PLCL1: variants seen among roughly 807,000 people sequenced by gnomAD.
The protein encoded by PLCL1 is inactive phospholipase C-like protein 1.
In PLCL1, 41 loss-of-function variants were observed where a neutral mutation model predicts 84.4. The observed-to-expected ratio is 0.49, with a 90% confidence interval of 0.38 to 0.63. PLCL1 has a LOEUF of 0.63. Ranked by LOEUF, PLCL1 falls within the 30% of genes least tolerant of loss-of-function variation. The pLI is 0.00. For missense variants in PLCL1, 1,206 were observed against 1,367.8 expected, an observed-to-expected ratio of 0.88 and a Z score of 1.87; for synonymous variants, 490 against 488.3, an observed-to-expected ratio of 1.00 and a Z score of -0.05.
At chr2:197,843,635 G>A (rs1484341060) in intron 1 of PLCL1, among the ~76,000 whole-genome samples, 1 of 152,078 alleles carries the variant, frequency 6.6e-6, no homozygotes, top group African/African-American at 2.4e-5. Context: ...TGACTTAAAG[G>A]TCAAGATGGA....
At chr2:197,892,386 G>A (rs969471708) in intron 1 of PLCL1, among the ~76,000 whole-genome samples, 2 of 152,152 alleles carry the variant, frequency 1.3e-5, no homozygotes, top group African/African-American at 4.8e-5. Context: ...TAAATTGAAT[G>A]CCTGGTTTGG....
intron 1 of PLCL1, among the ~76,000 whole-genome samples, chr2:198,058,198 G>T (rs144582132): frequency 2.0e-5 from 3 of 152,162 alleles, no homozygotes; most frequent in African/African-American, 7.2e-5. Context: ...TGATACCTCT[G>T]CATTTTTGTG....
chr2:198,120,351 T>A lies in PLCL1; in HGVS notation c.3105+16415T>A, dbSNP rs577924117. On this transcript the variant is annotated intron_variant, in intron 5 of 5. Transcript: ENST00000428675. Reference sequence around the variant, plus strand: ...CCAATTATACTCTTTTAGTTATTTTTAAATATACAATTAAATTATTATTGA... The same window carrying A: ...CCAATTATACTCTTTTAGTTATTTTAAAATATACAATTAAATTATTATTGA... Among the ~76,000 whole-genome samples the A allele has an allele frequency of 1.1e-3, 165 of 152,138 alleles. 1 individual carries two copies. Among genetic ancestry groups the A allele is most frequent in the Middle Eastern group, 0.01 (3 of 294 alleles).
intron 1 of PLCL1, among the ~76,000 whole-genome samples, chr2:197,824,730 A>C (rs1208561566): frequency 1.3e-5 from 2 of 151,748 alleles, no homozygotes; most frequent in African/African-American, 2.4e-5. Context: ...AAAAAAAAAA[A>C]AAAAACATGT....
chr2:197,809,370 A>G (rs1213018626), intron 1 of PLCL1, among the ~76,000 whole-genome samples: 1 of 152,192 alleles, frequency 6.6e-6, no homozygotes, highest in African/African-American at 2.4e-5. Context: ...AAGTCCCACA[A>G]TCCATCAACA....
chr2:197,869,461 G>A (rs1180352573), intron 1 of PLCL1, among the ~76,000 whole-genome samples: 7 of 151,612 alleles, frequency 4.6e-5, no homozygotes, highest in African/African-American at 1.7e-4. Flanking sequence ...ACTTTGTATA[G>A]ATTCAGTTTG....
intron 5 of PLCL1, among the ~76,000 whole-genome samples, chr2:198,118,680 T>C (rs1020685577): frequency 6.6e-6 from 1 of 152,010 alleles, no homozygotes. Context: ...AACAGTCTAA[T>C]CCCTGAATTG....
Position 197,805,040 on chromosome 2 carries a change from G to T in PLCL1, c.-60G>T. ...GTGCAGGAGCGCACCGGTGCCTAGC[G>T]GCTGGACTCCGCTGCCGGGCGTCCC... On this transcript the variant is annotated 5_prime_UTR_variant, in exon 1 of 6. Transcript: ENST00000428675. This position sits in a 1 kb window ranked among gnomAD's most constrained non-coding sequence, Gnocchi z 4.0. The T allele has an allele frequency of 7.1e-7, 1 of 1,415,132 alleles. No individual in the cohort carries two copies. Among genetic ancestry groups the T allele is most frequent in the Non-Finnish European group, 9.2e-7 (1 of 1,089,768 alleles). 87.7% of individuals were successfully genotyped at this position (1,415,132 alleles called of 1,614,324 possible).
intron 1 of PLCL1, among the ~76,000 whole-genome samples, chr2:197,927,292 G>C (rs1688849286): frequency 6.6e-6 from 1 of 152,164 alleles, no homozygotes; most frequent in South Asian, 2.1e-4. Context: ...AAAGGGGAAT[G>C]GCATTCTACC....
intron 1 of PLCL1, among the ~76,000 whole-genome samples, chr2:197,933,330 C>A (rs1294768910): frequency 2.1e-5 from 3 of 142,464 alleles, no homozygotes; most frequent in African/African-American, 7.8e-5. Context: ...GTGGTGCGAT[C>A]TCGGCTCACT....
Position 198,085,889 on chromosome 2 carries a change from T to G in PLCL1, c.2372T>G (p.Leu791Arg). 1 of 1,614,138 alleles carries G rather than the reference T, an allele frequency of 6.2e-7. No homozygotes were observed. The highest frequency in any genetic ancestry group is 8.5e-7 in the Non-Finnish European group (1 of 1,179,958). The change falls in exon 2 of 6, where the codon CTG becomes CGG. Residue 791 changes from leucine (L) to arginine (R), a missense_variant. Transcript: ENST00000428675. The surrounding 1 kb of genome is among the most constrained non-coding windows in gnomAD (Gnocchi z 5.3). ...TFEFQVNLPE[L>R]AMIRFVVLDD... ...GAGTTCCAAGTAAACCTACCTGAGC[T>G]GGCCATGATCCGTTTTGTTGTTCTG...
At chr2:197,824,571 A>T (rs11901606) in intron 1 of PLCL1, among the ~76,000 whole-genome samples, 11,176 of 151,850 alleles carry the variant, frequency 0.074, 1,137 homozygotes, top group African/African-American at 0.23. Context: ...AAAATTAGCC[A>T]GGTGTGGTGG....
intron 5 of PLCL1, among the ~76,000 whole-genome samples, chr2:198,118,723 T>G (rs1442102296): frequency 8.6e-5 from 13 of 152,020 alleles, no homozygotes; most frequent in Admixed American, 8.5e-4. Flanking sequence ...ATGTCAATTG[T>G]GCACTGCACA....
At chr2:198,053,881 A>G (rs1002933061) in intron 1 of PLCL1, among the ~76,000 whole-genome samples, 1 of 152,222 alleles carries the variant, frequency 6.6e-6, no homozygotes, top group African/African-American at 2.4e-5. Flanking sequence ...GGTTTTGTGT[A>G]GAGCATGTCA....
chr2:197,883,650 T>C (rs1395868453), intron 1 of PLCL1, among the ~76,000 whole-genome samples: 4 of 152,174 alleles, frequency 2.6e-5, no homozygotes, highest in Non-Finnish European at 5.9e-5. Context: ...AGAGCAACTA[T>C]ACATATAAGT....
intron 1 of PLCL1, among the ~76,000 whole-genome samples, chr2:198,078,893 T>C (rs2105891850): frequency 6.6e-6 from 1 of 152,232 alleles, no homozygotes; most frequent in East Asian, 1.9e-4. Context: ...ATACATAACA[T>C]AAAAGTTACA....
intron 1 of PLCL1, among the ~76,000 whole-genome samples, chr2:198,070,240 C>T (rs1692428094): frequency 6.6e-6 from 1 of 152,060 alleles, no homozygotes; most frequent in Admixed American, 6.6e-5. Context: ...TTCAATATAG[C>T]AGATTTGAAT....
chr2:197,927,500 T>C (rs1316693500), intron 1 of PLCL1, among the ~76,000 whole-genome samples: 2 of 152,160 alleles, frequency 1.3e-5, no homozygotes, highest in African/African-American at 4.8e-5. Context: ...CTTTTCCTAA[T>C]GCTAAAAATA....
intron 5 of PLCL1, among the ~76,000 whole-genome samples, chr2:198,134,981 CTT>C (rs1021714379): frequency 1.3e-5 from 2 of 152,154 alleles, no homozygotes; most frequent in Non-Finnish European, 2.9e-5. Flanking sequence ...TTAACAGTAA[CTT>C]TTTAGAGTGA....
Sources: allele counts gnomAD v4.1 joint callset (sites outside exome capture counted in the v4.1 genomes callset), GRCh38; gene constraint gnomAD v4.1.1; non-coding constraint Gnocchi (gnomAD v3.1); transcripts MANE v1.5; gene names NCBI Gene and HGNC (gene_info 2026-07-23, HGNC 2026-07-21).